The following GABBR2 variants were observed in gnomAD, a reference collection of about 807,000 sequenced individuals.
GABBR2 encodes gamma-aminobutyric acid type B receptor subunit 2, also known as G-protein coupled receptor 51.
A neutral mutation model predicts 105.6 loss-of-function variants in GABBR2; 23 were observed. The ratio of observed to expected loss-of-function variants is 0.22; its 90% confidence interval spans 0.16 to 0.31. The LOEUF is 0.31. Among genes scored for constraint, GABBR2 ranks in the 10% least tolerant of loss-of-function variants. The probability of loss-of-function intolerance (pLI) is 1.00; values close to 1 mark genes in which losing one functional copy is unlikely to be tolerated. For missense variants in GABBR2, 734 were observed against 1,245.5 expected (o/e 0.59, Z 6.18); for synonymous variants, 478 against 499.7 (o/e 0.96, Z 0.58).
At chr9:98,708,080 A>G (rs2131892422) in intron 1 of GABBR2, among the ~76,000 whole-genome samples, 1 of 152,254 alleles carries the variant, frequency 6.6e-6, no homozygotes, top group South Asian at 2.1e-4. Context: ...CTGGACAGGG[A>G]CAATCAATGT....
intron 8 of GABBR2, among the ~76,000 whole-genome samples, chr9:98,400,826 A>C (rs1832381671): frequency 1.3e-5 from 2 of 152,214 alleles, no homozygotes; most frequent in Admixed American, 6.5e-5. Context: ...GCATCTTGCA[A>C]GCACACACAC....
chr9:98,550,813 T>G (rs948888654), intron 2 of GABBR2, among the ~76,000 whole-genome samples: 4 of 152,204 alleles, frequency 2.6e-5, no homozygotes, highest in Non-Finnish European at 5.9e-5. Flanking sequence ...TAAAGTCCCC[T>G]GCATTCCCTG....
At chr9:98,612,662 A>G (rs1007909985) in intron 1 of GABBR2, among the ~76,000 whole-genome samples, 2 of 152,238 alleles carry the variant, frequency 1.3e-5, no homozygotes, top group African/African-American at 2.4e-5. Context: ...CAGCAATGAT[A>G]GCTGAAATAC....
chr9:98,451,648 G>A (rs1228153786), intron 7 of GABBR2, among the ~76,000 whole-genome samples: 1 of 152,076 alleles, frequency 6.6e-6, no homozygotes, highest in East Asian at 1.9e-4. Context: ...GCCCATGTGG[G>A]GCCTGGGAAT....
At chr9:98,497,973 G>A (rs1827317241) in intron 3 of GABBR2, among the ~76,000 whole-genome samples, 1 of 152,234 alleles carries the variant, frequency 6.6e-6, no homozygotes, top group South Asian at 2.1e-4. Flanking sequence ...AAAGGCAGAA[G>A]CAGCCCAAAC....
At chr9:98,675,164 C>G (rs573871536) in intron 1 of GABBR2, among the ~76,000 whole-genome samples, 38 of 152,256 alleles carry the variant, frequency 2.5e-4, no homozygotes, top group Admixed American at 1.7e-3. Context: ...GGAGAGTGAA[C>G]GCAGATATGT....
intron 1 of GABBR2, among the ~76,000 whole-genome samples, chr9:98,682,341 C>T (rs1404106590): frequency 6.9e-6 from 1 of 144,932 alleles, no homozygotes; most frequent in Admixed American, 6.9e-5. Context: ...TTACCACACA[C>T]GAGATAGGAG....
intron 2 of GABBR2, among the ~76,000 whole-genome samples, chr9:98,558,809 T>TCA (rs1828625494): frequency 6.6e-6 from 1 of 152,202 alleles, no homozygotes. Flanking sequence ...GAAGGAGTTG[T>TCA]CACTGTGACA....
At chr9:98,694,468 A>G (rs1564153692) in intron 1 of GABBR2, among the ~76,000 whole-genome samples, 1 of 152,242 alleles carries the variant, frequency 6.6e-6, no homozygotes, top group African/African-American at 2.4e-5. Context: ...TCGGTAAGAC[A>G]GCCTGCTAGG....
intron 13 of GABBR2, among the ~76,000 whole-genome samples, chr9:98,324,096 T>C (rs569959791): frequency 1.3e-5 from 2 of 152,270 alleles, no homozygotes; most frequent in East Asian, 1.9e-4. Flanking sequence ...ACATCAAGAA[T>C]TCAGGGCAAC....
At chr9:98,517,688 C>A (rs769203622) in intron 3 of GABBR2, among the ~76,000 whole-genome samples, 3 of 152,208 alleles carry the variant, frequency 2.0e-5, no homozygotes, top group Admixed American at 1.3e-4. Context: ...CATCCACATG[C>A]GCCAGCCTGC....
At chr9:98,600,619 C>A (rs1829315641) in intron 1 of GABBR2, among the ~76,000 whole-genome samples, 1 of 152,262 alleles carries the variant, frequency 6.6e-6, no homozygotes, top group African/African-American at 2.4e-5. Context: ...CAGTAAACAT[C>A]AGCTGTCACC....
At chr9:98,564,765 C>G (rs1293548169) in intron 2 of GABBR2, among the ~76,000 whole-genome samples, 1 of 152,164 alleles carries the variant, frequency 6.6e-6, no homozygotes, top group Non-Finnish European at 1.5e-5. Context: ...CAAGGACTGT[C>G]TGGGCCTGAA....
At chr9:98,569,945 C>T (rs933384551) in intron 2 of GABBR2, among the ~76,000 whole-genome samples, 12 of 152,144 alleles carry the variant, frequency 7.9e-5, no homozygotes, top group African/African-American at 2.9e-4. Context: ...ATTGACTGAC[C>T]GTTTAGAATG....
At chr9:98,609,102 A>G (rs1829470013) in intron 1 of GABBR2, among the ~76,000 whole-genome samples, 3 of 152,182 alleles carry the variant, frequency 2.0e-5, no homozygotes, top group Admixed American at 6.5e-5. Flanking sequence ...TTTTGTTTGT[A>G]TTGTAAAAAA....
At chr9:98,535,587 A>G (rs1281676714) in intron 3 of GABBR2, among the ~76,000 whole-genome samples, 1 of 152,100 alleles carries the variant, frequency 6.6e-6, no homozygotes, top group Non-Finnish European at 1.5e-5. Flanking sequence ...ATATGCAAAC[A>G]CTACACCATT....
intron 12 of GABBR2, 84 bp from the exon 13 acceptor site, chr9:98,362,921 A>G: frequency 8.1e-7 from 1 of 1,227,032 alleles, no homozygotes; most frequent in South Asian, 2.1e-5. Context: ...CATAGGGGGA[A>G]CCTGCATCAT....
rs114084249 is a variant in GABBR2 at position 98,427,041 on chromosome 9, A to T, written c.1237-20900T>A. Among the ~76,000 whole-genome samples the T allele has an allele frequency of 4.6e-3, 708 of 152,330 alleles. 8 individuals are homozygous for T. Among genetic ancestry groups the T allele is most frequent in the African/African-American group, 0.016 (675 of 41,580 alleles). ...CAAAAGAGACAGGTGTTAGCAAAAAAGGAAAGAGAAATGGAAGGCAGGGCT... is the reference window on the plus strand; with the variant it reads ...CAAAAGAGACAGGTGTTAGCAAAAATGGAAAGAGAAATGGAAGGCAGGGCT... On this transcript the variant is annotated intron_variant, in intron 7 of 18. Coordinates refer to ENST00000259455, the MANE Select transcript of GABBR2 (RefSeq NM_005458.8).
intron 6 of GABBR2, among the ~76,000 whole-genome samples, chr9:98,467,250 G>T (rs933776775): frequency 6.6e-6 from 1 of 152,160 alleles, no homozygotes; most frequent in Non-Finnish European, 1.5e-5. Flanking sequence ...GGGGAGGAGA[G>T]GTATGGATGT....
Sources: allele counts gnomAD v4.1 joint callset (sites outside exome capture counted in the v4.1 genomes callset), GRCh38; gene constraint gnomAD v4.1.1; transcripts MANE v1.5; gene names NCBI Gene and HGNC (gene_info 2026-07-23, HGNC 2026-07-21).